Variants in EEA1 observed in about 807,000 individuals in gnomAD.
EEA1 encodes the protein early endosome antigen 1, 162kD.
A neutral mutation model predicts 209.2 loss-of-function variants in EEA1; 111 were observed. The ratio of observed to expected loss-of-function variants is 0.53; its 90% CI spans 0.45 to 0.62. The LOEUF (loss-of-function observed/expected upper bound fraction) is 0.62, where lower values mean the gene tolerates loss of function less well. Among genes scored for constraint, EEA1 ranks in the 20% least tolerant of loss-of-function variants. The probability of loss-of-function intolerance (pLI) is 0.00; values close to 1 mark genes in which losing one functional copy is unlikely to be tolerated. For missense variants in EEA1, 1,343 were observed against 1,530.8 expected, an observed-to-expected ratio of 0.88 and a Z score of 2.05; for synonymous variants, 536 against 540.6, an observed-to-expected ratio of 0.99 and a Z score of 0.12.
At chr12:92,812,929 T>C in intron 16 of EEA1, 51 bp downstream of exon 16, 1 of 1,285,808 alleles carries the variant, frequency 7.8e-7, no homozygotes, top group Non-Finnish European at 1.1e-6. Flanking sequence ...TGCAATTTAT[T>C]TATCTACCAA....
intron 2 of EEA1, among the ~76,000 whole-genome samples, chr12:92,871,255 CT>C (rs1878630479): frequency 6.6e-6 from 1 of 152,168 alleles, no homozygotes; most frequent in Non-Finnish European, 1.5e-5. Flanking sequence ...CCAAGAGCCT[CT>C]TTTCCTTATT....
At chr12:92,910,961 A>G (rs886265788) in intron 1 of EEA1, among the ~76,000 whole-genome samples, 18 of 152,246 alleles carry the variant, frequency 1.2e-4, no homozygotes, top group Non-Finnish European at 2.4e-4. Flanking sequence ...TAGAATGGCC[A>G]AAATCCAGAA....
At chr12:92,807,135 G>C (rs1258915227) in intron 18 of EEA1, among the ~76,000 whole-genome samples, 2 of 151,938 alleles carry the variant, frequency 1.3e-5, no homozygotes, top group African/African-American at 4.8e-5. Context: ...TGTATTTTTA[G>C]TGGAGACGAG....
intron 1 of EEA1, among the ~76,000 whole-genome samples, chr12:92,897,163 C>G (rs1879919563): frequency 1.3e-5 from 2 of 152,166 alleles, no homozygotes; most frequent in African/African-American, 4.8e-5. Flanking sequence ...CCTAACTTTC[C>G]ACACCTAAGT....
chr12:92,878,574 G>C (rs909197275), intron 2 of EEA1, among the ~76,000 whole-genome samples: 37 of 152,102 alleles, frequency 2.4e-4, no homozygotes, highest in African/African-American at 8.9e-4. Flanking sequence ...AAAGTCCTAA[G>C]CTTCCACCTT....
intron 9 of EEA1, among the ~76,000 whole-genome samples, chr12:92,847,634 G>C (rs1259199598): frequency 6.6e-6 from 1 of 152,084 alleles, no homozygotes; most frequent in Non-Finnish European, 1.5e-5. Flanking sequence ...TTTAGGACAA[G>C]ATTAATAGCA....
At chr12:92,897,972 T>C (rs996170844) in intron 1 of EEA1, among the ~76,000 whole-genome samples, 2 of 152,192 alleles carry the variant, frequency 1.3e-5, no homozygotes, top group Non-Finnish European at 2.9e-5. Flanking sequence ...ATATGCACTG[T>C]GAAACCAAAG....
chr12:92,868,559 T>C (rs1485481800), intron 2 of EEA1, among the ~76,000 whole-genome samples: 1 of 152,202 alleles, frequency 6.6e-6, no homozygotes, highest in African/African-American at 2.4e-5. Context: ...CACTGAGGTA[T>C]GCCATACCTT....
At chr12:92,841,912 T>A (rs1877179020) in intron 10 of EEA1, among the ~76,000 whole-genome samples, 1 of 152,228 alleles carries the variant, frequency 6.6e-6, no homozygotes, top group Non-Finnish European at 1.5e-5. Context: ...AAGAGATATT[T>A]GTACAGCCAT....
chr12:92,898,719 T>C (rs1303456723), intron 1 of EEA1, among the ~76,000 whole-genome samples: 2 of 147,976 alleles, frequency 1.4e-5, no homozygotes, highest in Non-Finnish European at 3.0e-5. Flanking sequence ...CTTTTTTTTT[T>C]CCTTTTTTTC....
chr12:92,812,335 A>AC (rs1157449226), intron 16 of EEA1, among the ~76,000 whole-genome samples: 1 of 152,110 alleles, frequency 6.6e-6, no homozygotes, highest in African/African-American at 2.4e-5. Context: ...CCATCTAAAA[A>AC]AAAAAAAGAC....
At chr12:92,858,049 C>A in intron 3 of EEA1, 1 of 397,566 alleles carries the variant, frequency 2.5e-6, no homozygotes. Flanking sequence ...TCCTTCTCAA[C>A]GCCACTTCCA....
chr12:92,901,498 A>G (rs1880138696), intron 1 of EEA1, among the ~76,000 whole-genome samples: 1 of 152,142 alleles, frequency 6.6e-6, no homozygotes, highest in Non-Finnish European at 1.5e-5. Context: ...AACCCTCACA[A>G]GTCAGGGGTT....
chr12:92,797,998 A>G (rs1157963646), intron 21 of EEA1, among the ~76,000 whole-genome samples: 1 of 152,190 alleles, frequency 6.6e-6, no homozygotes, highest in African/African-American at 2.4e-5. Context: ...TAACATGGAC[A>G]TACTAACAGT....
At chr12:92,840,839 C>T (rs1877136177) in intron 10 of EEA1, among the ~76,000 whole-genome samples, 1 of 152,088 alleles carries the variant, frequency 6.6e-6, no homozygotes, top group South Asian at 2.1e-4. Flanking sequence ...CTGTGTCCCC[C>T]CAAAATTCAT....
chr12:92,816,907 TA>T (rs1875816629), intron 14 of EEA1, among the ~76,000 whole-genome samples: 1 of 151,430 alleles, frequency 6.6e-6, no homozygotes, highest in African/African-American at 2.5e-5. Context: ...TTACGGCTTT[TA>T]TTTTCATAAT....
chr12:92,783,915 G>C (rs570973909), intron 22 of EEA1, among the ~76,000 whole-genome samples: 1 of 149,424 alleles, frequency 6.7e-6, no homozygotes, highest in Non-Finnish European at 1.5e-5. Context: ...CAAGTACTCA[G>C]TAAAAAAAAA....
chr12:92,914,615 A>C (rs980107803), intron 1 of EEA1, among the ~76,000 whole-genome samples: 2 of 152,026 alleles, frequency 1.3e-5, no homozygotes, highest in Non-Finnish European at 1.5e-5. Context: ...ACTTGAGGCC[A>C]AGAGTTTAAG....
intron 1 of EEA1, among the ~76,000 whole-genome samples, chr12:92,926,666 C>G (rs181217414): frequency 4.6e-5 from 7 of 152,316 alleles, no homozygotes; most frequent in Admixed American, 2.6e-4. Context: ...AGCTTCATCT[C>G]TTACTAATTG....
Sources: allele counts gnomAD v4.1 joint callset (sites outside exome capture counted in the v4.1 genomes callset), GRCh38; gene constraint gnomAD v4.1.1; transcripts MANE v1.5; gene names NCBI Gene and HGNC (gene_info 2026-07-23, HGNC 2026-07-21).